The following ZNF385B variants were observed in gnomAD, a reference collection of about 807,000 sequenced individuals.
ZNF385B encodes zinc finger protein 385B.
ZNF385B carries 23 observed loss-of-function variants against 39.2 expected under a neutral mutation model. That is an observed-to-expected ratio of 0.59 (90% CI 0.42 to 0.83). The LOEUF (loss-of-function observed/expected upper bound fraction) is 0.83. Ranked by LOEUF, ZNF385B falls within the 40% of genes least tolerant of loss-of-function variation. ZNF385B has a pLI of 0.00. For synonymous variants in ZNF385B, 205 were observed against 222.6 expected, an observed-to-expected ratio of 0.92 and a Z score of 0.70; for missense variants, 552 against 598.9, an observed-to-expected ratio of 0.92 and a Z score of 0.82.
At chr2:179,518,889 T>G (rs190116143) in intron 4 of ZNF385B, among the ~76,000 whole-genome samples, 161 of 152,256 alleles carry the variant, frequency 1.1e-3, no homozygotes, top group Non-Finnish European at 1.7e-3. Context: ...TCACCATATT[T>G]CCAGAAACCT....
At chr2:179,570,307 T>C (rs914463934) in intron 3 of ZNF385B, among the ~76,000 whole-genome samples, 3 of 152,160 alleles carry the variant, frequency 2.0e-5, no homozygotes, top group Non-Finnish European at 4.4e-5. Context: ...GTGAGTTCAC[T>C]AAGGCATAAA....
chr2:179,570,670 G>A (rs1442935213), intron 3 of ZNF385B, among the ~76,000 whole-genome samples: 1 of 152,192 alleles, frequency 6.6e-6, no homozygotes, highest in Non-Finnish European at 1.5e-5. Flanking sequence ...ATTTAGAAAT[G>A]CCTATAATAT....
At chr2:179,706,506 T>A (rs1399313051) in intron 3 of ZNF385B, among the ~76,000 whole-genome samples, 2 of 152,092 alleles carry the variant, frequency 1.3e-5, no homozygotes, top group African/African-American at 4.8e-5. Flanking sequence ...GGGAAATCCA[T>A]GGGGCAAATC....
intron 3 of ZNF385B, among the ~76,000 whole-genome samples, chr2:179,754,780 C>T (rs1422232091): frequency 6.6e-6 from 1 of 151,766 alleles, no homozygotes; most frequent in African/African-American, 2.4e-5. Flanking sequence ...TGGTGATATC[C>T]CCTTTATCAT....
intron 3 of ZNF385B, among the ~76,000 whole-genome samples, chr2:179,559,717 A>C (rs186791640): frequency 1.3e-5 from 2 of 152,266 alleles, no homozygotes; most frequent in East Asian, 3.9e-4. Flanking sequence ...TGAAGTGATC[A>C]CATAGTAAAG....
At chr2:179,634,973 C>CAA (rs66671134) in intron 3 of ZNF385B, among the ~76,000 whole-genome samples, 5,213 of 115,398 alleles carry the variant, frequency 0.045, 118 homozygotes, top group East Asian at 0.071. Flanking sequence ...ACTAAAAATA[C>CAA]AAAAAAAAAA....
At chr2:179,706,583 A>AT (rs1369636202) in intron 3 of ZNF385B, among the ~76,000 whole-genome samples, 3 of 152,158 alleles carry the variant, frequency 2.0e-5, no homozygotes, top group African/African-American at 7.2e-5. Context: ...CAAGGACAAC[A>AT]GCTGCTGTCC....
intron 3 of ZNF385B, among the ~76,000 whole-genome samples, chr2:179,679,502 T>G (rs887438146): frequency 1.3e-5 from 2 of 152,224 alleles, no homozygotes; most frequent in African/African-American, 4.8e-5. Context: ...GGCTTACAGA[T>G]GTACCACTGG....
intron 3 of ZNF385B, among the ~76,000 whole-genome samples, chr2:179,663,116 G>A (rs1694694468): frequency 6.6e-6 from 1 of 152,068 alleles, no homozygotes; most frequent in Non-Finnish European, 1.5e-5. Context: ...TAATATTGAC[G>A]GTGTGAGGAT....
chr2:179,502,981 C>T (rs1337493934), intron 5 of ZNF385B, among the ~76,000 whole-genome samples: 2 of 152,148 alleles, frequency 1.3e-5, no homozygotes, highest in Non-Finnish European at 2.9e-5. Context: ...TCAAAGCAAT[C>T]TCCCCACCTC....
At chr2:179,702,279 T>C (rs979671188) in intron 3 of ZNF385B, among the ~76,000 whole-genome samples, 1 of 152,198 alleles carries the variant, frequency 6.6e-6, no homozygotes, top group Non-Finnish European at 1.5e-5. Flanking sequence ...TCTATTAATA[T>C]TACTCTGTAT....
intron 3 of ZNF385B, among the ~76,000 whole-genome samples, chr2:179,653,488 G>A (rs1167323486): frequency 6.6e-6 from 1 of 152,038 alleles, no homozygotes; most frequent in African/African-American, 2.4e-5. Flanking sequence ...GACTTATGGC[G>A]GGTTAATAAG....
intron 6 of ZNF385B, among the ~76,000 whole-genome samples, chr2:179,482,525 TC>T (rs1204700290): frequency 9.3e-5 from 14 of 151,022 alleles, no homozygotes; most frequent in Non-Finnish European, 1.8e-4. Context: ...GAATTTTTTT[TC>T]TCTTTCCACT....
intron 3 of ZNF385B, among the ~76,000 whole-genome samples, chr2:179,574,499 A>T (rs1685585178): frequency 6.6e-6 from 1 of 152,188 alleles, no homozygotes; most frequent in African/African-American, 2.4e-5. Context: ...GGGCTAAAAA[A>T]TATCTCTGAA....
chr2:179,649,009 C>G (rs1166939653), intron 3 of ZNF385B, among the ~76,000 whole-genome samples: 6 of 151,868 alleles, frequency 4.0e-5, no homozygotes, highest in Non-Finnish European at 8.8e-5. Flanking sequence ...AACAAGGGAC[C>G]AAAGTGAACA....
chr2:179,825,293 T>G (rs2106588995), intron 1 of ZNF385B, among the ~76,000 whole-genome samples: 1 of 152,316 alleles, frequency 6.6e-6, no homozygotes, highest in South Asian at 2.1e-4. Flanking sequence ...AAAGCCAGTC[T>G]AGTTCCCAAT....
intron 5 of ZNF385B, among the ~76,000 whole-genome samples, chr2:179,491,744 C>A (rs962136774): frequency 5.3e-5 from 8 of 152,128 alleles, no homozygotes; most frequent in South Asian, 2.1e-4. Flanking sequence ...TGTTACCCAG[C>A]TTGGAGTACA....
chr2:179,443,258 G>C lies in ZNF385B; in HGVS notation c.1453C>G (p.Pro485Ala), dbSNP rs2105517565. The change falls in exon 10 of 10, where the codon CCG becomes GCG. Residue 485 changes from proline (P) to alanine (A), a missense_variant. Coordinates refer to ENST00000410066, the MANE Select transcript of ZNF385B (RefSeq NM_152520.6). ...CTTGGGGTTTGCAGACGTTAGTACG[G>C]AGCAAAGAGGATGGAGGCAGGAGTG... The part of the protein sequence containing the change: ...RATPASILFA[P>A]Y The C allele has an allele frequency of 6.2e-7, 1 of 1,612,366 alleles. No homozygotes were observed. The highest frequency in any genetic ancestry group is 2.2e-4 in the Middle Eastern group (1 of 4,582).
chr2:179,847,009 A>C (rs745795509), intron 1 of ZNF385B, among the ~76,000 whole-genome samples: 5 of 152,252 alleles, frequency 3.3e-5, no homozygotes, highest in Non-Finnish European at 7.3e-5. Context: ...AATGTGAATA[A>C]ATAAATGCAG....
Sources: allele counts gnomAD v4.1 joint callset (sites outside exome capture counted in the v4.1 genomes callset), GRCh38; gene constraint gnomAD v4.1.1; transcripts MANE v1.5; gene names NCBI Gene and HGNC (gene_info 2026-07-23, HGNC 2026-07-21).